Variants in AGPAT5 observed in about 807,000 individuals in gnomAD.
AGPAT5 encodes 1-acylglycerol-3-phosphate O-acyltransferase 5, also known as 1-acyl-sn-glycerol-3-phosphate acyltransferase epsilon.
Under a neutral mutation model 45.6 loss-of-function variants are expected in AGPAT5, and 46 were observed. That is an observed-to-expected ratio of 1.01 (90% CI 0.80 to 1.29). The LOEUF is 1.29. Ranked by LOEUF, AGPAT5 falls within the 50% of genes most tolerant of loss-of-function variation. The pLI is 0.00. For missense variants in AGPAT5, 673 were observed against 450.7 expected (o/e 1.49, Z -4.47); for synonymous variants, 272 against 167.0 (o/e 1.63, Z -4.85).
chr8:6,747,553 G>A (rs1801514557), intron 5 of AGPAT5, 117 bp from the exon 6 acceptor site: 1 of 974,470 alleles, frequency 1.0e-6, no homozygotes, highest in Admixed American at 2.9e-5. Context: ...TGAGGTTGTG[G>A]AATTAATAGA....
intron 5 of AGPAT5, chr8:6,746,109 CA>C (rs1461346830): frequency 3.3e-5 from 5 of 152,098 alleles, no homozygotes; most frequent in African/African-American, 1.2e-4. Flanking sequence ...TTCTCTCCCC[CA>C]CTCCCCAACT....
intron 3 of AGPAT5, among the ~76,000 whole-genome samples, chr8:6,731,912 C>A (rs145294174): frequency 1.3e-5 from 2 of 152,166 alleles, no homozygotes; most frequent in Non-Finnish European, 2.9e-5. Context: ...TTTCCCTGTG[C>A]CCAAGCACCG....
At chr8:6,745,951 T>C (rs953593350) in intron 5 of AGPAT5, 11 of 152,224 alleles carry the variant, frequency 7.2e-5, no homozygotes, top group Non-Finnish European at 2.9e-5. Context: ...CTCCCCCTTC[T>C]TTCTTCCTTC....
rs943431921 is a variant in AGPAT5 at position 6,759,371 on chromosome 8, A to C, written c.*1983A>C. ...ATACTAATCTTCTCACAAAAGGTCT[A>C]TAAAATACAGTCGTTGAAAAAAATT... On this transcript the variant is annotated 3_prime_UTR_variant, in exon 8 of 8. Transcript: ENST00000285518. The C allele has an allele frequency of 6.6e-6, 1 of 152,212 alleles. No individual in the cohort carries two copies. The highest frequency in any genetic ancestry group is 1.5e-5 in the Non-Finnish European group (1 of 68,028). The allele number at this position is 152,212 out of a possible 1,614,324, so 9.4% of individuals were successfully genotyped here.
chr8:6,744,338 T>A (rs1801351616), intron 5 of AGPAT5, among the ~76,000 whole-genome samples: 1 of 152,222 alleles, frequency 6.6e-6, no homozygotes, highest in Non-Finnish European at 1.5e-5. Flanking sequence ...CTTTGTGTGG[T>A]AACGGCACTC....
chr8:6,710,039 T>G (rs1312025972), intron 1 of AGPAT5, among the ~76,000 whole-genome samples: 1 of 152,224 alleles, frequency 6.6e-6, no homozygotes, highest in African/African-American at 2.4e-5. Flanking sequence ...AATGTATGAT[T>G]TTTATCATGA....
chr8:6,739,298 A>G (rs959933347), intron 4 of AGPAT5, among the ~76,000 whole-genome samples: 4 of 152,116 alleles, frequency 2.6e-5, no homozygotes, highest in African/African-American at 9.7e-5. Flanking sequence ...TGTGTGAATT[A>G]TAGAATTAGC....
chr8:6,748,273 A>G (rs1051266103), intron 6 of AGPAT5, among the ~76,000 whole-genome samples: 3 of 152,090 alleles, frequency 2.0e-5, no homozygotes, highest in South Asian at 2.1e-4. Flanking sequence ...TTCCCCAAAC[A>G]TGTTAGGTTT....
At chr8:6,737,141 C>G (rs948641510) in intron 4 of AGPAT5, among the ~76,000 whole-genome samples, 1 of 152,176 alleles carries the variant, frequency 6.6e-6, no homozygotes, top group Non-Finnish European at 1.5e-5. Flanking sequence ...ATGTTCCTAG[C>G]GCAGTGTGGA....
chr8:6,724,248 TCTC>T (rs1800606608), intron 1 of AGPAT5, among the ~76,000 whole-genome samples: 2 of 152,176 alleles, frequency 1.3e-5, no homozygotes, highest in Non-Finnish European at 2.9e-5. Context: ...ACCCTTCTGG[TCTC>T]CTTGCTCCTC....
rs1324250576 is a variant in AGPAT5, at chr8:6,747,178, A to G, written c.587-492A>G. Among the ~76,000 whole-genome samples the G allele has an allele frequency of 2.6e-5, 4 of 152,256 alleles. No individual in the cohort carries two copies. The South Asian group carries it at 6.2e-4, about 24-fold the overall frequency. On this transcript the variant is annotated intron_variant, in intron 5 of 7. Coordinates refer to ENST00000285518, the MANE Select transcript of AGPAT5 (RefSeq NM_018361.5). Reference sequence around the variant, plus strand: ...AAATGTGATCTGTTCACACAGTGGAATACTAACTATTCAGCCATAAAAAGG... The same window carrying G: ...AAATGTGATCTGTTCACACAGTGGAGTACTAACTATTCAGCCATAAAAAGG...
chr8:6,723,390 C>T (rs1303782564), intron 1 of AGPAT5, among the ~76,000 whole-genome samples: 1 of 152,182 alleles, frequency 6.6e-6, no homozygotes, highest in Non-Finnish European at 1.5e-5. Context: ...TCTGGCTGTG[C>T]TGCCCATGCT....
At chr8:6,713,390 C>G (rs571142670) in intron 1 of AGPAT5, among the ~76,000 whole-genome samples, 121 of 152,204 alleles carry the variant, frequency 7.9e-4, no homozygotes, top group African/African-American at 2.8e-3. Flanking sequence ...TCTCCAAATG[C>G]TAATGTAATA....
intron 7 of AGPAT5, among the ~76,000 whole-genome samples, chr8:6,756,005 G>A (rs893844474): frequency 6.6e-6 from 1 of 152,090 alleles, no homozygotes; most frequent in African/African-American, 2.4e-5. Flanking sequence ...TGTATTTAAT[G>A]TCCTACTTAT....
Position 6,732,589 on chromosome 8 carries a change from C to A in AGPAT5, c.434C>A (p.Ala145Asp). Residue 145 changes from alanine to aspartate, a missense_variant, in exon 4 of 8, where the codon GCC becomes GAC. By Grantham distance (126) the Ala-to-Asp change is moderately radical. Transcript: ENST00000285518. ...GGAGGAATCTATGTAAAGCGCAGTG[C>A]CAAATTTAACGAGAAAGAGATGCGA... ...QHGGIYVKRSAKFNEKEMRNK... is the reference protein window; with the variant it reads ...QHGGIYVKRSDKFNEKEMRNK... The A allele has an allele frequency of 6.2e-7, 1 of 1,610,662 alleles. No homozygotes were observed. Among genetic ancestry groups the A allele is most frequent in the Non-Finnish European group, 8.5e-7 (1 of 1,179,084 alleles).
intron 4 of AGPAT5, among the ~76,000 whole-genome samples, chr8:6,736,956 T>G (rs1051918498): frequency 6.6e-6 from 1 of 152,274 alleles, no homozygotes; most frequent in Non-Finnish European, 1.5e-5. Flanking sequence ...TCTGCTTTAC[T>G]GTGTTTGCTT....
In AGPAT5 at chr8:6,758,451, G is replaced by A. The variant is rs1251964398; in HGVS notation, c.*1063G>A. 2.0e-5 allele frequency: 3 copies of A among 152,654 alleles called. No individual in the cohort carries two copies. Among genetic ancestry groups the A allele is most frequent in the East Asian group, 3.8e-4 (2 of 5,202 alleles). 9.5% of individuals were successfully genotyped at this position (152,654 alleles called of 1,614,324 possible). ...AGTGGTGCTGCTCAGCGGCTTGCAC[G>A]CAGACTTGCTAGGAAGAAATGCAGA... On this transcript the variant is annotated 3_prime_UTR_variant, in exon 8 of 8. Coordinates refer to ENST00000285518, the MANE Select transcript of AGPAT5 (RefSeq NM_018361.5).
chr8:6,733,933 T>C (rs1294208594), intron 4 of AGPAT5, among the ~76,000 whole-genome samples: 1 of 152,174 alleles, frequency 6.6e-6, no homozygotes, highest in East Asian at 1.9e-4. Flanking sequence ...TGAATATAGC[T>C]GCCAGTGGCG....
rs751165739 is a variant in AGPAT5, at chr8:6,708,779, G to A, written c.111G>A (p.Leu37=). 3 of 1,608,884 alleles carry A rather than the reference G, an allele frequency of 1.9e-6. No individual in the cohort carries two copies. Among genetic ancestry groups the A allele is most frequent in the East Asian group, 2.2e-5 (1 of 44,828 alleles). ...TYVLAWGVWR[L]LSAFLPARFY... ...TGTTGGCCTGGGGGGTCTGGCGGCT[G>A]CTCTCCGCCTTCCTGCCCGCCCGCT... Residue 37 remains leucine, a synonymous_variant, in exon 1 of 8, where the codon CTG becomes CTA. Transcript: ENST00000285518.
Sources: allele counts gnomAD v4.1 joint callset (sites outside exome capture counted in the v4.1 genomes callset), GRCh38; gene constraint gnomAD v4.1.1; transcripts MANE v1.5; gene names NCBI Gene and HGNC (gene_info 2026-07-23, HGNC 2026-07-21).